CDH13: variants seen among roughly 807,000 people sequenced by gnomAD.
CDH13 encodes the protein cadherin-13.
A neutral mutation model predicts 63.8 loss-of-function variants in CDH13; 24 were observed. The observed-to-expected ratio is 0.38, with a 90% CI of 0.27 to 0.53. The LOEUF (loss-of-function observed/expected upper bound fraction) is 0.53, where lower values mean the gene tolerates loss of function less well. Among genes scored for constraint, CDH13 ranks in the 20% least tolerant of loss-of-function variants. CDH13 has a pLI of 0.85. For missense variants in CDH13, 1,049 were observed against 903.1 expected (o/e 1.16, Z -2.07); for synonymous variants, 503 against 355.3 (o/e 1.42, Z -4.67).
intron 5 of CDH13, among the ~76,000 whole-genome samples, chr16:83,311,671 A>G (rs1199410968): frequency 1.3e-5 from 2 of 152,230 alleles, no homozygotes; most frequent in African/African-American, 2.4e-5. Flanking sequence ...TAGGAGGTTG[A>G]ACCCAATTAG....
intron 1 of CDH13, among the ~76,000 whole-genome samples, chr16:82,708,895 T>A (rs1032974030): frequency 2.6e-5 from 4 of 152,212 alleles, no homozygotes; most frequent in African/African-American, 9.6e-5. Flanking sequence ...AGGGCTCTCT[T>A]ATAAATTGAT....
chr16:83,096,624 G>A (rs4783323), intron 3 of CDH13, among the ~76,000 whole-genome samples: 43,800 of 152,096 alleles, frequency 0.29, 7,052 homozygotes, highest in East Asian at 0.64. Context: ...GAGAAGCTGC[G>A]CTTTCCAGTC....
chr16:83,434,988 T>A (rs1410107023), intron 6 of CDH13, among the ~76,000 whole-genome samples: 3 of 79,868 alleles, frequency 3.8e-5, no homozygotes, highest in Admixed American at 1.2e-4. Flanking sequence ...TAAATAAATA[T>A]ATATATATAT....
chr16:83,048,436 G>A (rs1008550029), intron 3 of CDH13, among the ~76,000 whole-genome samples: 1 of 152,170 alleles, frequency 6.6e-6, no homozygotes, highest in Non-Finnish European at 1.5e-5. Context: ...CCTCTCTGCA[G>A]GTTCCTGCCC....
chr16:83,766,417 C>G (rs909991641), intron 11 of CDH13, among the ~76,000 whole-genome samples: 1 of 152,160 alleles, frequency 6.6e-6, no homozygotes, highest in African/African-American at 2.4e-5. Flanking sequence ...GTGCATCAAC[C>G]TAAGAATTCA....
chr16:82,807,415 T>C (rs2037200859), intron 1 of CDH13, among the ~76,000 whole-genome samples: 1 of 152,152 alleles, frequency 6.6e-6, no homozygotes, highest in African/African-American at 2.4e-5. Flanking sequence ...AGAGGTCTGG[T>C]AGCTGAGAAT....
intron 2 of CDH13, among the ~76,000 whole-genome samples, chr16:83,015,387 G>C (rs910295407): frequency 6.6e-6 from 1 of 151,062 alleles, no homozygotes; most frequent in Non-Finnish European, 1.5e-5. Flanking sequence ...AAAGTTCCTT[G>C]GTTATTTTGA....
intron 11 of CDH13, among the ~76,000 whole-genome samples, chr16:83,775,025 T>C (rs1266103037): frequency 6.6e-6 from 1 of 151,778 alleles, no homozygotes; most frequent in Non-Finnish European, 1.5e-5. Flanking sequence ...GGAATTATGG[T>C]TTAGGGATTA....
chr16:83,651,706 C>T (rs1011863737), intron 8 of CDH13, among the ~76,000 whole-genome samples: 1 of 149,748 alleles, frequency 6.7e-6, no homozygotes, highest in African/African-American at 2.5e-5. Context: ...AGAAATTCTC[C>T]TGCCTCAGCC....
intron 4 of CDH13, among the ~76,000 whole-genome samples, chr16:83,170,989 C>T (rs1204921201): frequency 6.6e-6 from 1 of 151,830 alleles, no homozygotes; most frequent in Non-Finnish European, 1.5e-5. Flanking sequence ...TTTTTACCCG[C>T]CCGCCTCCTT....
At chr16:83,018,120 C>T (rs1436137534) in intron 2 of CDH13, among the ~76,000 whole-genome samples, 2 of 152,076 alleles carry the variant, frequency 1.3e-5, no homozygotes, top group Non-Finnish European at 2.9e-5. Context: ...GAGTTCAAAC[C>T]CCAGTTCTAC....
At chr16:83,031,739 C>T (rs1385789682) in intron 2 of CDH13, among the ~76,000 whole-genome samples, 1 of 152,132 alleles carries the variant, frequency 6.6e-6, no homozygotes, top group Non-Finnish European at 1.5e-5. Context: ...TCTGACTCTT[C>T]ACTCCACTGA....
chr16:83,537,336 C>G (rs797019832), intron 7 of CDH13, among the ~76,000 whole-genome samples: 4 of 152,320 alleles, frequency 2.6e-5, no homozygotes, highest in African/African-American at 9.6e-5. Context: ...ATATTTCTTT[C>G]CATGGCAATC....
intron 1 of CDH13, among the ~76,000 whole-genome samples, chr16:82,768,084 G>C (rs1227950051): frequency 2.0e-5 from 3 of 152,208 alleles, no homozygotes; most frequent in Admixed American, 6.5e-5. Context: ...AAACTGTCAG[G>C]AGTGATTGCT....
chr16:83,002,519 C>T (rs1191701450), intron 2 of CDH13, among the ~76,000 whole-genome samples: 1 of 152,184 alleles, frequency 6.6e-6, no homozygotes, highest in Admixed American at 6.5e-5. Context: ...ATAGCAGCCA[C>T]AGGAAATTAA....
At chr16:82,738,442 C>G (rs1419152959) in intron 1 of CDH13, among the ~76,000 whole-genome samples, 1 of 152,188 alleles carries the variant, frequency 6.6e-6, no homozygotes, top group Non-Finnish European at 1.5e-5. Flanking sequence ...CTCATTCTCA[C>G]CCATTCACCT....
At chr16:82,684,125 A>G (rs116633111) in intron 1 of CDH13, among the ~76,000 whole-genome samples, 117 of 152,336 alleles carry the variant, frequency 7.7e-4, no homozygotes, top group African/African-American at 1.8e-3. Context: ...TAGAGGTTCA[A>G]TCGTATTTGG....
At chr16:83,314,966 T>C (rs1222206254) in intron 5 of CDH13, among the ~76,000 whole-genome samples, 1 of 152,156 alleles carries the variant, frequency 6.6e-6, no homozygotes, top group African/African-American at 2.4e-5. Context: ...TGAAAAGACT[T>C]GGGAGGTGGG....
intron 4 of CDH13, among the ~76,000 whole-genome samples, chr16:83,207,151 T>C (rs2039206268): frequency 6.6e-6 from 1 of 152,232 alleles, no homozygotes; most frequent in South Asian, 2.1e-4. Flanking sequence ...ATTAAGTACA[T>C]CCACATTATT....
Sources: allele counts gnomAD v4.1 joint callset (sites outside exome capture counted in the v4.1 genomes callset), GRCh38; gene constraint gnomAD v4.1.1; transcripts MANE v1.5; gene names NCBI Gene and HGNC (gene_info 2026-07-23, HGNC 2026-07-21).